Variants in IL20RA observed in about 807,000 individuals in gnomAD.
The protein encoded by IL20RA is interleukin-20 receptor subunit alpha.
Under a neutral mutation model 36.5 loss-of-function variants are expected in IL20RA, and 29 were observed. The observed-to-expected ratio is 0.79, with a 90% CI of 0.59 to 1.08. The LOEUF (loss-of-function observed/expected upper bound fraction) is 1.08, where lower values mean the gene tolerates loss of function less well. IL20RA is among the 50% of genes least tolerant of loss of function. IL20RA has a pLI of 0.00. For missense variants in IL20RA, 652 were observed against 668.4 expected (o/e 0.98, Z 0.27); for synonymous variants, 279 against 267.1 (o/e 1.04, Z -0.43).
At chr6:137,004,859 T>C (rs2115365228) in intron 5 of IL20RA, 99 bp from the exon 6 acceptor site, 6 of 1,099,548 alleles carry the variant, frequency 5.5e-6, no homozygotes, top group Non-Finnish European at 6.5e-6. Context: ...GCTGCTTCTG[T>C]GCAGATCACT....
At chr6:137,035,046 G>C (rs548197730) in intron 1 of IL20RA, among the ~76,000 whole-genome samples, 1 of 151,910 alleles carries the variant, frequency 6.6e-6, no homozygotes, top group Admixed American at 6.6e-5. Context: ...CCATGTCCCT[G>C]CAAAAGGACA....
chr6:137,021,464 A>G (rs916458792), intron 1 of IL20RA, among the ~76,000 whole-genome samples: 2 of 151,704 alleles, frequency 1.3e-5, no homozygotes, highest in Non-Finnish European at 2.9e-5. Flanking sequence ...GAGGAGTTCG[A>G]GACCAGCCTG....
intron 1 of IL20RA, 149 bp from the exon 2 acceptor site, chr6:137,017,252 G>A (rs1321122052): frequency 1.5e-6 from 1 of 648,352 alleles, no homozygotes; most frequent in African/African-American, 1.8e-5. Context: ...AAGAGAATGT[G>A]GCAGAGGTGG....
At chr6:137,028,724 G>A (rs2115410055) in intron 1 of IL20RA, among the ~76,000 whole-genome samples, 1 of 152,218 alleles carries the variant, frequency 6.6e-6, no homozygotes, top group South Asian at 2.1e-4. Flanking sequence ...ACCCACTAAA[G>A]AGAGTGTGTA....
intron 1 of IL20RA, among the ~76,000 whole-genome samples, chr6:137,019,686 T>G (rs1050437327): frequency 6.6e-6 from 1 of 152,194 alleles, no homozygotes; most frequent in African/African-American, 2.4e-5. Flanking sequence ...TGTAATTGTC[T>G]AAATGGTCCT....
At chr6:137,032,706 C>A (rs1389254584) in intron 1 of IL20RA, among the ~76,000 whole-genome samples, 1 of 152,178 alleles carries the variant, frequency 6.6e-6, no homozygotes. Context: ...CAACTGGAAT[C>A]TCAGACTTTC....
At chr6:137,044,567 G>C (rs758688853) in intron 1 of IL20RA, 74 bp downstream of exon 1, 2 of 1,198,808 alleles carry the variant, frequency 1.7e-6, no homozygotes, top group Non-Finnish European at 2.1e-6. Context: ...GGAGAGCTCG[G>C]CCTCGAGCTC....
In IL20RA at chr6:137,043,154, A is replaced by T. The variant is rs575992711; in HGVS notation, c.88+1487T>A. ...AAGACAGGGTCTCACCCTTGGCCAG[A>T]CTGGAGTGCAGTGGCGTGATCATAA... On this transcript the variant is annotated intron_variant, in intron 1 of 6. Transcript: ENST00000316649. Among the ~76,000 whole-genome samples, 3 of 152,246 alleles carry T rather than the reference A, an allele frequency of 2.0e-5. No individual in the cohort carries two copies. The South Asian group carries it at 6.2e-4, about 32-fold the overall frequency.
Position 137,012,676 on chromosome 6 carries a change from G to A in IL20RA, c.225-1224C>T, listed in dbSNP as rs1405642404. Among the ~76,000 whole-genome samples, 11 of 152,266 alleles carry A rather than the reference G, an allele frequency of 7.2e-5. No homozygotes were observed. The East Asian group carries it at 1.9e-3, about 27-fold the overall frequency. On this transcript the variant is annotated intron_variant, in intron 2 of 6. Transcript: ENST00000316649. ...AATAAAGTCTAGGATAAAATTTCAG[G>A]AGCGTCAAGATTTAAAGGTTGGATA... is the stretch of plus-strand genomic sequence containing the variant.
At chr6:137,028,877 T>C (rs1776181764) in intron 1 of IL20RA, among the ~76,000 whole-genome samples, 2 of 152,216 alleles carry the variant, frequency 1.3e-5, no homozygotes, top group Non-Finnish European at 2.9e-5. Flanking sequence ...AATCTCATTT[T>C]TTAAATAGTT....
chr6:137,014,890 C>T (rs1038548364), intron 2 of IL20RA, among the ~76,000 whole-genome samples: 1 of 152,112 alleles, frequency 6.6e-6, no homozygotes, highest in South Asian at 2.1e-4. Context: ...AGCTGGAGGT[C>T]GTCTTTAGTT....
At chr6:137,022,637 A>C (rs1775943770) in intron 1 of IL20RA, among the ~76,000 whole-genome samples, 1 of 152,218 alleles carries the variant, frequency 6.6e-6, no homozygotes, top group African/African-American at 2.4e-5. Context: ...ATAAAAATAA[A>C]ATATATATTA....
In IL20RA at chr6:137,040,740, C is replaced by A. The variant is rs1776663334; in HGVS notation, c.88+3901G>T. The stretch of plus-strand genomic sequence containing the variant: ...ATACCTAAAAAGGCAAAAATGATGA[C>A]CCTTCCTTGTAATAGAATTCCAATG... On this transcript the variant is annotated intron_variant, in intron 1 of 6. Coordinates refer to ENST00000316649, the MANE Select transcript of IL20RA (RefSeq NM_014432.4). Among the ~76,000 whole-genome samples the A allele has an allele frequency of 2.0e-5, 3 of 152,104 alleles. No individual in the cohort carries two copies. In the South Asian group the frequency reaches 6.2e-4, roughly 32 times the overall value.
intron 2 of IL20RA, among the ~76,000 whole-genome samples, chr6:137,016,376 C>T (rs1405107218): frequency 2.6e-5 from 4 of 152,128 alleles, no homozygotes; most frequent in Non-Finnish European, 5.9e-5. Flanking sequence ...GTGGTTGGAG[C>T]TGGGAAGGTG....
At chr6:137,023,641 T>C (rs1653854000) in intron 1 of IL20RA, among the ~76,000 whole-genome samples, 1 of 152,106 alleles carries the variant, frequency 6.6e-6, no homozygotes, top group Non-Finnish European at 1.5e-5. Context: ...AGCTTGGAAC[T>C]CAAGTTTCAA....
At chr6:137,034,165 CCT>C (rs953873302) in intron 1 of IL20RA, among the ~76,000 whole-genome samples, 8 of 152,106 alleles carry the variant, frequency 5.3e-5, no homozygotes, top group Non-Finnish European at 1.5e-5. Context: ...TCACAAAACC[CCT>C]GACTCCTACC....
intron 1 of IL20RA, among the ~76,000 whole-genome samples, chr6:137,031,713 C>T (rs763402934): frequency 2.6e-5 from 4 of 151,880 alleles, no homozygotes; most frequent in African/African-American, 4.8e-5. Context: ...CTATGTCCTT[C>T]GTATAATCCT....
intron 2 of IL20RA, 49 bp from the exon 3 acceptor site, chr6:137,011,501 C>A: frequency 2.4e-6 from 3 of 1,249,010 alleles, no homozygotes; most frequent in South Asian, 4.0e-5. Flanking sequence ...CTATACTTTA[C>A]AATAAAAAAA....
chr6:137,033,905 C>G (rs1776383443), intron 1 of IL20RA, among the ~76,000 whole-genome samples: 1 of 152,180 alleles, frequency 6.6e-6, no homozygotes, highest in Non-Finnish European at 1.5e-5. Flanking sequence ...TTCACTGTTT[C>G]ATTGCAACAC....
Sources: allele counts gnomAD v4.1 joint callset (sites outside exome capture counted in the v4.1 genomes callset), GRCh38; gene constraint gnomAD v4.1.1; transcripts MANE v1.5; gene names NCBI Gene and HGNC (gene_info 2026-07-23, HGNC 2026-07-21).